The following FANCC variants were observed in gnomAD, a reference collection of about 807,000 sequenced individuals.
FANCC encodes FA complementation group C.
FANCC carries 55 observed loss-of-function variants against 71.3 expected under a neutral mutation model. The observed-to-expected ratio is 0.77, with a 90% confidence interval of 0.62 to 0.97. The LOEUF is 0.97. Ranked by LOEUF, FANCC falls within the 50% of genes least tolerant of loss-of-function variation. FANCC has a pLI of 0.00. For synonymous variants in FANCC, 275 were observed against 244.9 expected, an observed-to-expected ratio of 1.12 and a Z score of -1.15; for missense variants, 678 against 670.9, an observed-to-expected ratio of 1.01 and a Z score of -0.12.
intron 1 of FANCC, among the ~76,000 whole-genome samples, chr9:95,266,539 A>G (rs1190332232): frequency 1.3e-5 from 2 of 152,196 alleles, no homozygotes; most frequent in Non-Finnish European, 2.9e-5. Context: ...ATATCTCCCT[A>G]TATTTAAAGC....
chr9:95,115,391 T>C (rs1234180619), intron 11 of FANCC, among the ~76,000 whole-genome samples: 3 of 152,166 alleles, frequency 2.0e-5, no homozygotes, highest in Admixed American at 6.5e-5. Context: ...GATTTCAAAA[T>C]AGACGGAGAC....
chr9:95,254,981 C>T (rs1831572105), intron 1 of FANCC, among the ~76,000 whole-genome samples: 1 of 152,082 alleles, frequency 6.6e-6, no homozygotes, highest in African/African-American at 2.4e-5. Flanking sequence ...TCAGCAAAGC[C>T]GCTGTAGCCA....
intron 6 of FANCC, among the ~76,000 whole-genome samples, chr9:95,160,362 C>G (rs1360972463): frequency 1.3e-5 from 2 of 151,914 alleles, no homozygotes; most frequent in African/African-American, 2.4e-5. Context: ...ATTTCTGAGG[C>G]CTCTGTTCTG....
chr9:95,193,364 A>G (rs550997907), intron 4 of FANCC, among the ~76,000 whole-genome samples: 11 of 152,274 alleles, frequency 7.2e-5, no homozygotes, highest in African/African-American at 2.4e-4. Context: ...CGAGCAGAAG[A>G]AGGAGTGCTA....
intron 4 of FANCC, among the ~76,000 whole-genome samples, chr9:95,206,274 C>G (rs1224400473): frequency 1.3e-5 from 2 of 152,150 alleles, no homozygotes; most frequent in Non-Finnish European, 2.9e-5. Context: ...TTTACTTGTG[C>G]TCTTGCAACG....
In FANCC at chr9:95,135,467, C is replaced by G; in HGVS notation, c.722G>C (p.Cys241Ser). The G allele has an allele frequency of 6.2e-7, 1 of 1,614,042 alleles. No individual in the cohort carries two copies. The highest frequency in any genetic ancestry group is 8.5e-7 in the Non-Finnish European group (1 of 1,180,014). Residue 241 changes from cysteine to serine, a missense_variant, in exon 8 of 15, where the codon TGC becomes TCC. Physicochemically the swap from Cys to Ser is moderately radical, Grantham distance 112 (BLOSUM62 -1). Coordinates refer to ENST00000289081, the MANE Select transcript of FANCC (RefSeq NM_000136.3). ...GCTGGGAAGGTGCCGAAGCCAGAGGCAGACTACAGCTGACATGGGGAGAGA... is the reference window on the plus strand; with the variant it reads ...GCTGGGAAGGTGCCGAAGCCAGAGGGAGACTACAGCTGACATGGGGAGAGA... ...KISLPMSAVV[C>S]LWLRHLPSLE...
chr9:95,190,675 A>G (rs570231966), intron 4 of FANCC, among the ~76,000 whole-genome samples: 163 of 152,264 alleles, frequency 1.1e-3, no homozygotes, highest in African/African-American at 3.8e-3. Flanking sequence ...CCGCCCTGGC[A>G]CTGTGTGGGT....
intron 4 of FANCC, among the ~76,000 whole-genome samples, chr9:95,209,978 CA>C (rs920665124): frequency 1.8e-4 from 28 of 152,216 alleles, no homozygotes; most frequent in Non-Finnish European, 3.1e-4. Context: ...TTTGTAACAG[CA>C]AAACCTGGAA....
intron 6 of FANCC, among the ~76,000 whole-genome samples, chr9:95,157,267 C>T (rs556592404): frequency 2.4e-4 from 37 of 152,186 alleles, no homozygotes; most frequent in African/African-American, 8.7e-4. Flanking sequence ...ATGCACAGAT[C>T]GCCAGAGGAA....
intron 4 of FANCC, among the ~76,000 whole-genome samples, chr9:95,198,461 C>G (rs910986538): frequency 1.2e-4 from 18 of 152,306 alleles, no homozygotes; most frequent in Non-Finnish European, 2.2e-4. Flanking sequence ...TTCTGGCATC[C>G]TCTGACTTCT....
chr9:95,132,238 G>A (rs1352915890), intron 8 of FANCC, among the ~76,000 whole-genome samples: 1 of 152,224 alleles, frequency 6.6e-6, no homozygotes, highest in African/African-American at 2.4e-5. Flanking sequence ...CAAGCACAGT[G>A]CCACCCTGAC....
chr9:95,190,084 A>C (rs536475504), intron 4 of FANCC, among the ~76,000 whole-genome samples: 22 of 152,198 alleles, frequency 1.4e-4, no homozygotes, highest in Non-Finnish European at 1.0e-4. Flanking sequence ...TCTCATATGT[A>C]GTTGAGAAAA....
intron 7 of FANCC, among the ~76,000 whole-genome samples, chr9:95,148,637 A>G (rs1286007247): frequency 2.6e-5 from 4 of 152,206 alleles, no homozygotes; most frequent in Non-Finnish European, 5.9e-5. Flanking sequence ...CTGCATATGA[A>G]ATATGTCAAT....
chr9:95,223,626 A>G (rs1017301479), intron 4 of FANCC, among the ~76,000 whole-genome samples: 2 of 152,182 alleles, frequency 1.3e-5, no homozygotes, highest in African/African-American at 2.4e-5. Flanking sequence ...CAAAAAGTCG[A>G]AAAATATAAT....
At chr9:95,299,099 C>A (rs1834568743) in intron 1 of FANCC, among the ~76,000 whole-genome samples, 1 of 152,166 alleles carries the variant, frequency 6.6e-6, no homozygotes, top group African/African-American at 2.4e-5. Context: ...TCTAACACAC[C>A]ATTTACCTTA....
At chr9:95,170,171 C>T (rs1825571176) in intron 6 of FANCC, among the ~76,000 whole-genome samples, 1 of 152,132 alleles carries the variant, frequency 6.6e-6, no homozygotes, top group Non-Finnish European at 1.5e-5. Context: ...AGTCAACATT[C>T]ACCTCACAAC....
Position 95,111,499 on chromosome 9 carries a change from G to A in FANCC, c.1293C>T (p.Gly431=), listed in dbSNP as rs1330163328. The A allele has an allele frequency of 1.2e-6, 2 of 1,613,930 alleles. No homozygotes were observed. Among genetic ancestry groups the A allele is most frequent in the South Asian group, 1.1e-5 (1 of 91,076 alleles). Residue 431 remains glycine, a synonymous_variant, in exon 13 of 15, where the codon GGC becomes GGT. Coordinates refer to ENST00000289081, the MANE Select transcript of FANCC (RefSeq NM_000136.3). ...ALLWLLAFYY[G]PRDGRQQRAQ... is the part of the protein sequence containing the mutation. ...CTCTCTGCTGCCTCCCATCACGGGG[G>A]CCGTAGTAGAAGGCCAAGAGCCACA...
At chr9:95,197,293 T>C (rs144771052) in intron 4 of FANCC, among the ~76,000 whole-genome samples, 54 of 152,248 alleles carry the variant, frequency 3.5e-4, no homozygotes, top group African/African-American at 1.1e-3. Context: ...TCCCAGCACC[T>C]TGAGAGGCCG....
rs369770340 is a variant in FANCC at position 95,149,923 on chromosome 9, A to C, written c.686T>G (p.Leu229Arg). The C allele has an allele frequency of 6.3e-7, 1 of 1,597,732 alleles. No individual in the cohort carries two copies. Among genetic ancestry groups the C allele is most frequent in the African/African-American group, 1.3e-5 (1 of 74,912 alleles). ...FFEAVNEAIL[L>R]KKISLPMSAV... is the part of the protein sequence containing the mutation. ...ATGACAGGAAACATTTGCCACTTAC[A>C]GCAAAATGGCCTCGTTTACAGCCTC... Residue 229 changes from leucine (L) to arginine (R), a missense_variant and splice_region_variant, in exon 7 of 15, where the codon CTG becomes CGG. By Grantham distance (102) the Leu-to-Arg change is moderately radical. Coordinates refer to ENST00000289081, the MANE Select transcript of FANCC (RefSeq NM_000136.3).
Sources: allele counts gnomAD v4.1 joint callset (sites outside exome capture counted in the v4.1 genomes callset), GRCh38; gene constraint gnomAD v4.1.1; transcripts MANE v1.5; gene names NCBI Gene and HGNC (gene_info 2026-07-23, HGNC 2026-07-21).